The following ERC1 variants were observed in gnomAD, a reference collection of about 807,000 sequenced individuals.
ERC1 encodes RAB6 interacting protein 2.
ERC1 carries 56 observed loss-of-function variants against 132.0 expected under a neutral mutation model. The observed-to-expected ratio is 0.42, with a 90% CI of 0.34 to 0.53. The LOEUF (loss-of-function observed/expected upper bound fraction) is 0.53. Ranked by LOEUF, ERC1 falls within the 20% of genes least tolerant of loss-of-function variation. The pLI, the probability that ERC1 is intolerant of heterozygous loss-of-function variation, is 0.03. For synonymous variants in ERC1, 478 were observed against 476.1 expected (o/e 1.00, Z -0.05); for missense variants, 1,202 against 1,349.9 (o/e 0.89, Z 1.72).
intron 16 of ERC1, among the ~76,000 whole-genome samples, chr12:1,389,759 TGTA>T (rs1465169648): frequency 6.6e-6 from 1 of 152,230 alleles, no homozygotes; most frequent in Non-Finnish European, 1.5e-5. Flanking sequence ...TTAACATAAA[TGTA>T]GTCTTGAAAA....
At chr12:1,151,539 C>G (rs1331001274) in intron 8 of ERC1, among the ~76,000 whole-genome samples, 1 of 152,196 alleles carries the variant, frequency 6.6e-6, no homozygotes, top group Admixed American at 6.5e-5. Context: ...CTCTTAAATT[C>G]TGTTTCAATT....
chr12:1,094,299 A>G (rs1943717678), intron 3 of ERC1, among the ~76,000 whole-genome samples: 1 of 151,762 alleles, frequency 6.6e-6, no homozygotes, highest in Non-Finnish European at 1.5e-5. Flanking sequence ...GACAACAGGC[A>G]TGAGCCACCA....
At chr12:1,478,292 C>T (rs550478136) in intron 18 of ERC1, among the ~76,000 whole-genome samples, 2 of 152,154 alleles carry the variant, frequency 1.3e-5, no homozygotes, top group Non-Finnish European at 2.9e-5. Flanking sequence ...TTGTATTTTC[C>T]TGATGACTAA....
intron 7 of ERC1, among the ~76,000 whole-genome samples, chr12:1,117,776 A>G (rs569859259): frequency 1.3e-5 from 2 of 152,334 alleles, no homozygotes; most frequent in East Asian, 3.9e-4. Context: ...CAACTAATGC[A>G]TATACTGTTG....
chr12:1,142,599 C>T (rs74057081), intron 8 of ERC1, among the ~76,000 whole-genome samples: 1,544 of 152,206 alleles, frequency 0.01, 21 homozygotes, highest in African/African-American at 0.032. Flanking sequence ...TTCTACTATC[C>T]GTGATGAAAG....
At chr12:1,384,639 GAAGA>G (rs2089111446) in intron 16 of ERC1, among the ~76,000 whole-genome samples, 1 of 152,046 alleles carries the variant, frequency 6.6e-6, no homozygotes, top group Non-Finnish European at 1.5e-5. Flanking sequence ...AGTGACTGTT[GAAGA>G]AAGAACATCT....
At chr12:1,402,663 A>T (rs940095515) in intron 16 of ERC1, among the ~76,000 whole-genome samples, 1 of 149,496 alleles carries the variant, frequency 6.7e-6, no homozygotes, top group Admixed American at 6.7e-5. Context: ...AAAGAAAATA[A>T]AAACAAATTA....
chr12:1,215,363 A>G (rs111675549), intron 12 of ERC1, among the ~76,000 whole-genome samples: 8,305 of 152,244 alleles, frequency 0.055, 487 homozygotes, highest in African/African-American at 0.15. Flanking sequence ...CTTACAGCTC[A>G]AAACAAAACA....
chr12:1,403,552 A>G (rs1318395182), intron 16 of ERC1, among the ~76,000 whole-genome samples: 2 of 152,184 alleles, frequency 1.3e-5, no homozygotes, highest in Non-Finnish European at 2.9e-5. Flanking sequence ...AGGAACACTA[A>G]ACTTTGATCA....
intron 11 of ERC1, 94 bp from the exon 12 acceptor site, chr12:1,189,765 G>T: frequency 1.1e-6 from 1 of 950,358 alleles, no homozygotes; most frequent in Non-Finnish European, 1.5e-6. Flanking sequence ...TGATAATTCT[G>T]TACTTAAATT....
chr12:1,083,081 A>C, intron 2 of ERC1, 83 bp from the exon 3 acceptor site: 2 of 1,186,402 alleles, frequency 1.7e-6, no homozygotes, highest in Non-Finnish European at 2.4e-6. Context: ...TCTTGTAGCT[A>C]TTTTTGATTC....
chr12:1,105,728 T>A (rs1036631926), intron 4 of ERC1, among the ~76,000 whole-genome samples: 3 of 152,196 alleles, frequency 2.0e-5, no homozygotes, highest in African/African-American at 4.8e-5. Context: ...CTTTTAAAAA[T>A]TTTATTTCTT....
rs73601987 is a variant in ERC1 at position 1,490,807 on chromosome 12, G to A, written c.*577G>A. ...CTTTCCACATGAGATGCTTTGTACCGGGGAGCTGTGAGCAGGCCTCACGAT... is the reference window on the plus strand; with the variant it reads ...CTTTCCACATGAGATGCTTTGTACCAGGGAGCTGTGAGCAGGCCTCACGAT... On this transcript the variant is annotated 3_prime_UTR_variant, in exon 19 of 19. Transcript: ENST00000360905. The A allele has an allele frequency of 0.011, 2,619 of 233,314 alleles. 65 individuals carry two copies. Among genetic ancestry groups the A allele is most frequent in the African/African-American group, 0.053 (2,420 of 45,360 alleles). 14.5% of individuals were successfully genotyped at this position (233,314 alleles called of 1,614,324 possible). A position where few individuals can be genotyped will look rare whatever the true frequency, so the allele number is the denominator to read the frequency against.
rs1194480582 is a variant in ERC1, at chr12:1,491,532, C to A, written c.*1302C>A. ...GGAGTTGAAGCAGTAAATAGCATGTCCTTCCCCTCCCCGATCTTAAGGTGT... is the reference window on the plus strand; with the variant it reads ...GGAGTTGAAGCAGTAAATAGCATGTACTTCCCCTCCCCGATCTTAAGGTGT... On this transcript the variant is annotated 3_prime_UTR_variant, in exon 19 of 19. Transcript: ENST00000360905. The A allele has an allele frequency of 4.3e-6, 1 of 230,296 alleles. No homozygotes were observed. The highest frequency in any genetic ancestry group is 2.2e-5 in the African/African-American group (1 of 45,164). 14.3% of individuals were successfully genotyped at this position (230,296 alleles called of 1,614,324 possible).
At chr12:1,203,458 A>AC in intron 12 of ERC1, among the ~76,000 whole-genome samples, 1 of 152,240 alleles carries the variant, frequency 6.6e-6, no homozygotes, top group African/African-American at 2.4e-5. Flanking sequence ...ACAAGGTAAC[A>AC]AATCTTGTCC....
chr12:1,487,929 G>A (rs1054921358), intron 18 of ERC1, among the ~76,000 whole-genome samples: 2 of 151,292 alleles, frequency 1.3e-5, no homozygotes, highest in African/African-American at 2.4e-5. Flanking sequence ...ACAAGGTCAG[G>A]AGATCTAGAC....
At chr12:1,055,710 A>G (rs764533037) in intron 2 of ERC1, among the ~76,000 whole-genome samples, 8 of 152,232 alleles carry the variant, frequency 5.3e-5, no homozygotes, top group Non-Finnish European at 1.0e-4. Context: ...ACGGAGTCAG[A>G]CTGCTGGATG....
chr12:1,283,499 CAT>C (rs1471719370), intron 14 of ERC1, among the ~76,000 whole-genome samples: 1 of 152,202 alleles, frequency 6.6e-6, no homozygotes, highest in Non-Finnish European at 1.5e-5. Flanking sequence ...ATTGTGGAAA[CAT>C]AGCAGAAAAT....
chr12:1,471,707 A>G (rs896985397), intron 18 of ERC1, among the ~76,000 whole-genome samples: 1 of 152,198 alleles, frequency 6.6e-6, no homozygotes, highest in Non-Finnish European at 1.5e-5. Context: ...TCACAAAATA[A>G]TGGTTGACTC....
Sources: allele counts gnomAD v4.1 joint callset (sites outside exome capture counted in the v4.1 genomes callset), GRCh38; gene constraint gnomAD v4.1.1; transcripts MANE v1.5; gene names NCBI Gene and HGNC (gene_info 2026-07-23, HGNC 2026-07-21).